The following SNX29 variants were observed in gnomAD, a reference collection of about 807,000 sequenced individuals.
The protein encoded by SNX29 is sorting nexin 29.
A neutral mutation model predicts 102.1 loss-of-function variants in SNX29; 78 were observed. That is an observed-to-expected ratio of 0.76 (90% CI 0.64 to 0.92). SNX29 has a LOEUF of 0.92. SNX29 is among the 40% of genes least tolerant of loss of function. The pLI is 0.00. For missense variants in SNX29, 1,280 were observed against 1,061.7 expected, an observed-to-expected ratio of 1.21 and a Z score of -2.86; for synonymous variants, 580 against 414.5, an observed-to-expected ratio of 1.40 and a Z score of -4.85.
rs574090459 is a variant in SNX29, at chr16:12,483,114, G to GTTTTTTTTTTTTTTTTTTTTTTTTTTT, written c.2178+5258_2178+5284dup. ...AATAGATACATATTGAAGTTATTAA[G>GTTTTTTTTTTTTTTTTTTTTTTTTTTT]TTTTTTTTTTTTTTTTTTTTTTTTT... is the stretch of plus-strand genomic sequence containing the variant. On this transcript the variant is annotated intron_variant, in intron 19 of 20. Transcript: ENST00000566228. Among the ~76,000 whole-genome samples the GTTTTTTTTTTTTTTTTTTTTTTTTTTT allele has an allele frequency of 2.3e-4, 15 of 66,212 alleles. 3 individuals carry two copies. Among genetic ancestry groups the GTTTTTTTTTTTTTTTTTTTTTTTTTTT allele is most frequent in the Non-Finnish European group, 3.1e-4 (11 of 35,982 alleles). The allele number at this position is 66,212 out of a possible 152,430, so 43.4% of individuals were successfully genotyped here.
chr16:12,461,663 A>T (rs2086779636), intron 18 of SNX29, among the ~76,000 whole-genome samples: 1 of 151,796 alleles, frequency 6.6e-6, no homozygotes, highest in Non-Finnish European at 1.5e-5. Flanking sequence ...TATGATAGAA[A>T]ATATTCAGGC....
intron 14 of SNX29, among the ~76,000 whole-genome samples, chr16:12,261,367 T>G (rs1387602204): frequency 7.6e-6 from 1 of 132,334 alleles, no homozygotes; most frequent in African/African-American, 3.0e-5. Context: ...GAGTGAGTGT[T>G]TGCTGAGCTC....
At position 12,051,838 on chromosome 16, in the gene SNX29, T is replaced by C. The variant is rs1381648886; in HGVS notation, c.749-9T>C. The C allele has an allele frequency of 1.9e-6, 3 of 1,595,864 alleles. No homozygotes were observed. Among genetic ancestry groups the C allele is most frequent in the Non-Finnish European group, 8.5e-7 (1 of 1,175,294 alleles). ...TCTTATACTGTATCTTTTTTTTTTT[T>C]TTTGCCAGATGCCAAATGCAAAAAG... On this transcript the variant is annotated splice_polypyrimidine_tract_variant and intron_variant, in intron 7 of 20. Coordinates refer to ENST00000566228, the MANE Select transcript of SNX29 (RefSeq NM_032167.5).
In SNX29 at chr16:12,199,934, G is replaced by T. The variant is rs115463838; in HGVS notation, c.1678+251G>T. Among the ~76,000 whole-genome samples the T allele has an allele frequency of 2.3e-3, 356 of 152,292 alleles. 2 individuals are homozygous for T. The highest frequency in any genetic ancestry group is 7.8e-3 in the African/African-American group (324 of 41,556). On this transcript the variant is annotated intron_variant, in intron 14 of 20. Coordinates refer to ENST00000566228, the MANE Select transcript of SNX29 (RefSeq NM_032167.5). ...AGTCTTATTGGTTTGTGTACTTAGAGAATTTTATGTCCAGAGTCTTGAGAC... is the reference window on the plus strand; with the variant it reads ...AGTCTTATTGGTTTGTGTACTTAGATAATTTTATGTCCAGAGTCTTGAGAC...
intron 16 of SNX29, among the ~76,000 whole-genome samples, chr16:12,362,015 T>C (rs1163335129): frequency 2.0e-5 from 3 of 152,194 alleles, no homozygotes; most frequent in African/African-American, 7.2e-5. Context: ...TGCCTATACA[T>C]GTTAATAACG....
intron 11 of SNX29, among the ~76,000 whole-genome samples, chr16:12,083,644 C>A (rs1348923922): frequency 6.6e-6 from 1 of 152,198 alleles, no homozygotes; most frequent in Non-Finnish European, 1.5e-5. Flanking sequence ...CAGTCCATAG[C>A]ATGAGTTGTC....
intron 15 of SNX29, among the ~76,000 whole-genome samples, chr16:12,313,313 C>G (rs572049766): frequency 6.6e-6 from 1 of 152,308 alleles, no homozygotes; most frequent in African/African-American, 2.4e-5. Context: ...TGCGCCTGGC[C>G]TGGGTTTTTT....
At chr16:12,561,516 G>A (rs1286417779) in intron 20 of SNX29, among the ~76,000 whole-genome samples, 1 of 152,144 alleles carries the variant, frequency 6.6e-6, no homozygotes, top group African/African-American at 2.4e-5. Flanking sequence ...GTGAAACAAA[G>A]TGAAAAGTTA....
At chr16:12,165,078 G>A (rs6498269) in intron 13 of SNX29, among the ~76,000 whole-genome samples, 21,329 of 152,122 alleles carry the variant, frequency 0.14, 1,835 homozygotes, top group East Asian at 0.27. Context: ...TGTCGTGTTC[G>A]GCCTTTTGAG....
At chr16:12,291,526 A>G (rs1234200526) in intron 15 of SNX29, among the ~76,000 whole-genome samples, 1 of 152,192 alleles carries the variant, frequency 6.6e-6, no homozygotes, top group African/African-American at 2.4e-5. Flanking sequence ...AAGGCAAACC[A>G]TATCAGTAGG....
intron 14 of SNX29, among the ~76,000 whole-genome samples, chr16:12,236,925 A>G (rs1226170447): frequency 6.6e-6 from 1 of 152,188 alleles, no homozygotes; most frequent in African/African-American, 2.4e-5. Flanking sequence ...TGCTGCATGA[A>G]TGGATGGAGA....
At chr16:12,404,288 G>A (rs770666362) in intron 18 of SNX29, among the ~76,000 whole-genome samples, 1 of 152,274 alleles carries the variant, frequency 6.6e-6, no homozygotes, top group Middle Eastern at 3.4e-3. Flanking sequence ...GCAGCGAAAT[G>A]TGTGTCTGCT....
chr16:12,560,484 C>G (rs749860264), intron 20 of SNX29, among the ~76,000 whole-genome samples: 2 of 152,176 alleles, frequency 1.3e-5, no homozygotes, highest in Non-Finnish European at 2.9e-5. Flanking sequence ...ACACTTACCT[C>G]CTGCTTTTCT....
intron 14 of SNX29, among the ~76,000 whole-genome samples, chr16:12,226,768 G>A (rs867690664): frequency 3.3e-5 from 5 of 152,052 alleles, no homozygotes; most frequent in Middle Eastern, 3.4e-3. Flanking sequence ...TAGTAGAGAC[G>A]GGTTTCACTG....
chr16:12,539,157 CTT>C (rs577396413), intron 20 of SNX29, among the ~76,000 whole-genome samples: 7 of 151,814 alleles, frequency 4.6e-5, no homozygotes, highest in African/African-American at 1.7e-4. Flanking sequence ...GACTTTTGCT[CTT>C]GTTCATGTCT....
In SNX29 at chr16:12,129,753, G is replaced by A. The variant is rs372729626; in HGVS notation, c.1590G>A (p.Leu530=). 3.1e-5 allele frequency: 50 copies of A among 1,606,198 alleles called. No individual in the cohort carries two copies. In the African/African-American group the frequency reaches 5.5e-4, roughly 18 times the overall value. The change falls in exon 13 of 21, where the codon CTG becomes CTA. Residue 530 remains leucine, a synonymous_variant. Transcript: ENST00000566228. The part of the protein sequence containing the change: ...EERQGMKVQA[L]ARENEVLKVQ... ...GGCAGGGCATGAAGGTCCAGGCGCT[G>A]GCCAGGTAGGAGAGGGTGAGGGATG...
rs554885719 is a variant in SNX29 at position 12,071,292 on chromosome 16, T to C, written c.1319+2160T>C. 3.9e-5 allele frequency among the ~76,000 whole-genome samples: 6 copies of C among 152,366 alleles called. No individual in the cohort carries two copies. In the South Asian group the frequency reaches 1.2e-3, roughly 32 times the overall value. ...TGCCTAGGTTTTCTTATAGGGTTTTTATGGTTTTAGGTCTAACATGTAAGT... is the reference window on the plus strand; with the variant it reads ...TGCCTAGGTTTTCTTATAGGGTTTTCATGGTTTTAGGTCTAACATGTAAGT... On this transcript the variant is annotated intron_variant, in intron 10 of 20. Transcript: ENST00000566228.
chr16:12,311,199 C>G (rs149990772), intron 15 of SNX29, among the ~76,000 whole-genome samples: 30 of 152,002 alleles, frequency 2.0e-4, no homozygotes, highest in African/African-American at 7.0e-4. Context: ...TTCTGAACCC[C>G]CCGCCCCCTA....
intron 18 of SNX29, among the ~76,000 whole-genome samples, chr16:12,461,972 AAAAAAAATATATATATAT>A (rs1411759817): frequency 2.0e-4 from 13 of 64,146 alleles, no homozygotes; most frequent in African/African-American, 1.0e-3. Flanking sequence ...AAAAAAAAAA[AAAAAAAATATATATATAT>A]ATATATATAT....
Sources: gnomAD v4.1 joint callset for allele counts (sites outside exome capture counted in the v4.1 genomes callset) on GRCh38, gnomAD v4.1.1 for gene constraint, MANE v1.5 for transcripts, NCBI Gene and HGNC (gene_info 2026-07-23, HGNC 2026-07-21) for gene names.